Variants in ATG10 observed in about 807,000 individuals in gnomAD.
The protein encoded by ATG10 is autophagy related 10.
Under a neutral mutation model 32.1 loss-of-function variants are expected in ATG10, and 30 were observed. That is an observed-to-expected ratio of 0.94 (90% CI 0.70 to 1.27). ATG10 has a LOEUF of 1.27. ATG10 is among the 50% of genes most tolerant of loss of function. ATG10 has a pLI of 0.00. For synonymous variants in ATG10, 87 were observed against 91.5 expected (o/e 0.95, Z 0.28); for missense variants, 233 against 262.3 (o/e 0.89, Z 0.77).
chr5:82,022,451 C>T (rs1389519086), intron 2 of ATG10, among the ~76,000 whole-genome samples: 1 of 150,756 alleles, frequency 6.6e-6, no homozygotes, highest in Admixed American at 6.6e-5. Flanking sequence ...GCCTCAGCCT[C>T]CCGAGTAGCT....
intron 3 of ATG10, chr5:82,072,955 T>C (rs1175182503): frequency 6.6e-6 from 1 of 152,166 alleles, no homozygotes; most frequent in Non-Finnish European, 1.5e-5. Flanking sequence ...AATTATATAA[T>C]CAGCATCCTC....
At chr5:82,058,892 G>T (rs1763684777) in intron 3 of ATG10, among the ~76,000 whole-genome samples, 1 of 152,102 alleles carries the variant, frequency 6.6e-6, no homozygotes, top group African/African-American at 2.4e-5. Flanking sequence ...AGTTATATAA[G>T]ATCCACTCTG....
At chr5:82,227,478 G>A (rs1360332506) in intron 5 of ATG10, among the ~76,000 whole-genome samples, 2 of 152,050 alleles carry the variant, frequency 1.3e-5, no homozygotes, top group Admixed American at 6.6e-5. Context: ...AGATTCAAGC[G>A]ATTCTCCTGC....
At chr5:81,980,296 C>T (rs1321492639) in intron 1 of ATG10, among the ~76,000 whole-genome samples, 2 of 152,164 alleles carry the variant, frequency 1.3e-5, no homozygotes, top group Non-Finnish European at 2.9e-5. Flanking sequence ...ATTACAGGAG[C>T]AAGCTTTCCC....
chr5:82,169,359 G>T (rs768700301), intron 4 of ATG10, among the ~76,000 whole-genome samples: 8 of 150,972 alleles, frequency 5.3e-5, no homozygotes, highest in Non-Finnish European at 1.0e-4. Context: ...CATTGTTGTT[G>T]TTATTAATTT....
intron 2 of ATG10, among the ~76,000 whole-genome samples, chr5:82,037,303 AGTGGCGGG>A (rs1762959559): frequency 1.0e-5 from 1 of 95,960 alleles, no homozygotes; most frequent in Non-Finnish European, 1.8e-5. Context: ...GCTGGAGTGC[AGTGGCGGG>A]ATCTCGGCTC....
At chr5:82,005,228 A>G (rs755695807) in intron 2 of ATG10, among the ~76,000 whole-genome samples, 14 of 152,284 alleles carry the variant, frequency 9.2e-5, no homozygotes, top group Middle Eastern at 3.4e-3. Context: ...TGTTACATAT[A>G]TGCTTCCTTT....
intron 5 of ATG10, among the ~76,000 whole-genome samples, chr5:82,248,507 T>G (rs1747122232): frequency 6.6e-6 from 1 of 152,182 alleles, no homozygotes; most frequent in Non-Finnish European, 1.5e-5. Flanking sequence ...AGGCTTCAGA[T>G]TCCCTCTGTT....
At chr5:82,188,917 A>G (rs1744555827) in intron 5 of ATG10, among the ~76,000 whole-genome samples, 1 of 151,724 alleles carries the variant, frequency 6.6e-6, no homozygotes, top group Non-Finnish European at 1.5e-5. Context: ...CTCACTTGTC[A>G]TTTTCTCTGG....
intron 3 of ATG10, among the ~76,000 whole-genome samples, chr5:82,137,789 C>T (rs1477913222): frequency 6.6e-6 from 1 of 152,166 alleles, no homozygotes; most frequent in Admixed American, 6.5e-5. Context: ...CAGGCAGGAA[C>T]GTTTAAATCT....
intron 1 of ATG10, among the ~76,000 whole-genome samples, chr5:81,978,163 A>G (rs940567548): frequency 6.6e-6 from 1 of 151,916 alleles, no homozygotes; most frequent in South Asian, 2.1e-4. Flanking sequence ...TCTGCCTCCC[A>G]GGTTCATGCA....
chr5:82,212,081 C>T (rs1745516901), intron 5 of ATG10, among the ~76,000 whole-genome samples: 1 of 152,218 alleles, frequency 6.6e-6, no homozygotes, highest in East Asian at 1.9e-4. Flanking sequence ...TAGTAATTCA[C>T]TTTCTGTCTC....
intron 1 of ATG10, 112 bp from the exon 2 acceptor site, chr5:81,987,447 G>GAGGCC: frequency 1.4e-6 from 1 of 738,654 alleles, no homozygotes; most frequent in Non-Finnish European, 2.2e-6. Flanking sequence ...TAGTGGCCTT[G>GAGGCC]AGGCCATTCT....
chr5:82,173,133 T>C (rs1291905537), intron 4 of ATG10, among the ~76,000 whole-genome samples: 7 of 152,232 alleles, frequency 4.6e-5, no homozygotes, highest in Admixed American at 3.9e-4. Context: ...GAATTATTTG[T>C]ACTCTCTCTA....
At chr5:82,058,635 T>A in intron 3 of ATG10, 33 bp downstream of exon 3, 1 of 1,431,714 alleles carries the variant, frequency 7.0e-7, no homozygotes, top group Admixed American at 1.7e-5. Flanking sequence ...TTCTTTTCAG[T>A]CTCCGTAAAG....
rs544368735 is a variant in ATG10, at chr5:81,983,437, C to T, written c.-12-4122C>T. On this transcript the variant is annotated intron_variant, in intron 1 of 7. Transcript: ENST00000282185. ...CTGACTCCCCCACCTCCCTCCCGGA[C>T]GGGGTGGCTGGCCGGGCGGGGGTCT... 4.4e-3 allele frequency among the ~76,000 whole-genome samples: 612 copies of T among 140,272 alleles called. 4 individuals carry two copies. Among genetic ancestry groups the T allele is most frequent in the African/African-American group, 0.013 (477 of 37,014 alleles). The allele number at this position is 140,272 out of a possible 152,430, so 92.0% of individuals were successfully genotyped here. A position where few individuals can be genotyped will look rare whatever the true frequency, so the allele number is the denominator to read the frequency against.
At chr5:82,178,879 T>A (rs1375819932) in intron 5 of ATG10, among the ~76,000 whole-genome samples, 1 of 152,154 alleles carries the variant, frequency 6.6e-6, no homozygotes, top group Admixed American at 6.6e-5. Flanking sequence ...TCTTCTCCAC[T>A]ATACAGATAC....
At chr5:82,150,649 G>A (rs1767559621) in intron 3 of ATG10, among the ~76,000 whole-genome samples, 1 of 152,172 alleles carries the variant, frequency 6.6e-6, no homozygotes, top group South Asian at 2.1e-4. Context: ...GCGATCGTGA[G>A]GCACTGGTGA....
chr5:81,985,982 C>T (rs1761256026), intron 1 of ATG10, among the ~76,000 whole-genome samples: 1 of 152,168 alleles, frequency 6.6e-6, no homozygotes, highest in Admixed American at 6.5e-5. Flanking sequence ...CCAGGTTGGT[C>T]TCCATCTCCT....
Sources: gnomAD v4.1 joint callset for allele counts (sites outside exome capture counted in the v4.1 genomes callset) on GRCh38, gnomAD v4.1.1 for gene constraint, MANE v1.5 for transcripts, NCBI Gene and HGNC (gene_info 2026-07-23, HGNC 2026-07-21) for gene names.